CD47: variants seen among roughly 807,000 people sequenced by gnomAD.
CD47 encodes the protein leukocyte surface antigen CD47.
In CD47, 11 loss-of-function variants were observed where a neutral mutation model predicts 44.6. That is an observed-to-expected ratio of 0.25 (90% CI 0.16 to 0.41). The LOEUF is 0.41. Ranked by LOEUF, CD47 falls within the 10% of genes least tolerant of loss-of-function variation. The probability of loss-of-function intolerance (pLI) is 1.00; values close to 1 mark genes in which losing one functional copy is unlikely to be tolerated. For synonymous variants in CD47, 140 were observed against 136.3 expected (o/e 1.03, Z -0.19); for missense variants, 306 against 386.7 (o/e 0.79, Z 1.75).
chr3:108,063,532 A>G (rs551442794), intron 3 of CD47, among the ~76,000 whole-genome samples: 7 of 152,314 alleles, frequency 4.6e-5, no homozygotes, highest in Non-Finnish European at 7.4e-5. Context: ...ATTTGATATA[A>G]TAGATGCCAT....
At chr3:108,055,213 T>A (rs2078893112) in intron 7 of CD47, among the ~76,000 whole-genome samples, 1 of 152,168 alleles carries the variant, frequency 6.6e-6, no homozygotes, top group South Asian at 2.1e-4. Flanking sequence ...TAATAAAAAT[T>A]ATAAAAGTTA....
rs1279540722 is a variant in CD47, at chr3:108,067,265, A to T, written c.490+3828T>A. Among the ~76,000 whole-genome samples, 4 of 152,244 alleles carry T rather than the reference A, an allele frequency of 2.6e-5. 1 individual carries two copies. The highest frequency in any genetic ancestry group is 1.3e-4 in the Admixed American group (2 of 15,278). ...TTTAAAGGTCATGGAACAATATAATAATAGTTTTTCCCATTCATCATGAAG... is the reference window on the plus strand; with the variant it reads ...TTTAAAGGTCATGGAACAATATAATTATAGTTTTTCCCATTCATCATGAAG... On this transcript the variant is annotated intron_variant, in intron 3 of 10. Coordinates refer to ENST00000361309, the MANE Select transcript of CD47 (RefSeq NM_001777.4).
At chr3:108,086,581 T>A (rs777872697) in intron 1 of CD47, among the ~76,000 whole-genome samples, 11 of 152,040 alleles carry the variant, frequency 7.2e-5, no homozygotes, top group Non-Finnish European at 1.5e-4. Flanking sequence ...GTTTGAGAAA[T>A]GAGAGAGAAA....
chr3:108,050,128 A>AT (rs1559975656), intron 9 of CD47, among the ~76,000 whole-genome samples: 2 of 151,790 alleles, frequency 1.3e-5, no homozygotes, highest in South Asian at 2.1e-4. Flanking sequence ...ATTCTTTTTT[A>AT]TTTTTTTTGA....
In CD47 at chr3:108,044,525, C is replaced by G. The variant is rs2078689130; in HGVS notation, c.*2763G>C. On this transcript the variant is annotated 3_prime_UTR_variant, in exon 11 of 11. Transcript: ENST00000361309. The stretch of plus-strand genomic sequence containing the variant: ...GTGATAAATCTAAATACAGCCAACT[C>G]TCAATCATTTAACTTATGTACCTAG... 1 of 148,168 alleles carries G rather than the reference C, an allele frequency of 6.7e-6. No homozygotes were observed. Among genetic ancestry groups the G allele is most frequent in the Non-Finnish European group, 1.5e-5 (1 of 67,272 alleles). The allele number at this position is 148,168 out of a possible 1,614,324, so 9.2% of individuals were successfully genotyped here. A position where few individuals can be genotyped will look rare whatever the true frequency, so the allele number is the denominator to read the frequency against.
chr3:108,057,621 T>A, intron 6 of CD47, 52 bp from the exon 7 acceptor site: 1 of 886,068 alleles, frequency 1.1e-6, no homozygotes, highest in Admixed American at 2.0e-5. Flanking sequence ...AATAACTTAC[T>A]AAAAAACAGT....
Position 108,080,321 on chromosome 3 carries a change from T to C in CD47, c.70A>G (p.Lys24Glu). The C allele has an allele frequency of 6.2e-7, 1 of 1,600,500 alleles. No individual in the cohort carries two copies. The highest frequency in any genetic ancestry group is 8.6e-7 in the Non-Finnish European group (1 of 1,169,278). ...AACGTGAATTCTACAGATTTTGTTT[T>C]ATTAAATAGTAGCTGAGCTGATCCT... ...CCGSAQLLFNKTKSVEFTFCN... is the reference protein window; with the variant it reads ...CCGSAQLLFNETKSVEFTFCN... Residue 24 changes from lysine (K) to glutamate (E), a missense_variant, in exon 2 of 11, where the codon AAA (lysine) becomes GAA (glutamate). Physicochemically the swap from Lys to Glu is moderately conservative, Grantham distance 56. Transcript: ENST00000361309.
At chr3:108,070,635 G>A (rs1444129376) in intron 3 of CD47, among the ~76,000 whole-genome samples, 1 of 152,136 alleles carries the variant, frequency 6.6e-6, no homozygotes, top group Non-Finnish European at 1.5e-5. Flanking sequence ...AGTTCCGACT[G>A]GACTTTTCCA....
chr3:108,075,376 A>G (rs1226455802), intron 2 of CD47, among the ~76,000 whole-genome samples: 2 of 152,118 alleles, frequency 1.3e-5, no homozygotes, highest in African/African-American at 2.4e-5. Context: ...CAACCTAAAA[A>G]AGTGAAGACA....
intron 6 of CD47, among the ~76,000 whole-genome samples, chr3:108,057,944 C>T (rs2078940040): frequency 2.0e-5 from 3 of 152,130 alleles, no homozygotes; most frequent in Non-Finnish European, 4.4e-5. Context: ...GCACTATTAC[C>T]ACTGGGGTAA....
At chr3:108,085,250 T>G (rs1218112687) in intron 1 of CD47, among the ~76,000 whole-genome samples, 2 of 152,078 alleles carry the variant, frequency 1.3e-5, no homozygotes, top group Non-Finnish European at 2.9e-5. Flanking sequence ...ATTACCCCAC[T>G]GAGTACATAG....
At chr3:108,090,217 T>C (rs915620066) in intron 1 of CD47, among the ~76,000 whole-genome samples, 1 of 150,920 alleles carries the variant, frequency 6.6e-6, no homozygotes, top group Non-Finnish European at 1.5e-5. Flanking sequence ...AAAGGAAGAG[T>C]TTCCAGCAAG....
At chr3:108,051,900 A>C in intron 8 of CD47, 39 bp downstream of exon 8, 1 of 1,464,242 alleles carries the variant, frequency 6.8e-7, no homozygotes, top group African/African-American at 1.4e-5. Flanking sequence ...TAATCCCTCA[A>C]ATGATCATTC....
chr3:108,080,551 ACTTTT>A (rs143915656), intron 1 of CD47, among the ~76,000 whole-genome samples: 5,731 of 152,004 alleles, frequency 0.038, 123 homozygotes, highest in African/African-American at 0.064. Context: ...CATCATTATG[ACTTTT>A]CTTTATTCAT....
intron 1 of CD47, among the ~76,000 whole-genome samples, chr3:108,088,336 A>G (rs1382944871): frequency 6.6e-6 from 1 of 152,230 alleles, no homozygotes; most frequent in Non-Finnish European, 1.5e-5. Context: ...ATCTCCATGA[A>G]CAACTCAGTG....
rs764184274 is a variant in CD47 at position 108,045,916 on chromosome 3, G to A, written c.*1372C>T. The A allele has an allele frequency of 6.6e-6, 1 of 152,112 alleles. No individual in the cohort carries two copies. The highest frequency in any genetic ancestry group is 2.4e-5 in the African/African-American group (1 of 41,430). The allele number at this position is 152,112 out of a possible 1,614,324, so 9.4% of individuals were successfully genotyped here. A position where few individuals can be genotyped will look rare whatever the true frequency, so the allele number is the denominator to read the frequency against. On this transcript the variant is annotated 3_prime_UTR_variant, in exon 11 of 11. Transcript: ENST00000361309. The stretch of plus-strand genomic sequence containing the variant: ...CCAATAAAGAACTTTGTATTTAAAT[G>A]TTTTTACTAAAAGCACAAAATTAAC...
chr3:108,080,159 G>C lies in CD47; in HGVS notation c.232C>G (p.Pro78Ala), dbSNP rs953795918. 1 of 1,612,990 alleles carries C rather than the reference G, an allele frequency of 6.2e-7. No homozygotes were observed. The highest frequency in any genetic ancestry group is 8.5e-7 in the Non-Finnish European group (1 of 1,179,282). ...ATTTTTGCACTACTAAAGTCAGTGG[G>C]GACAGTGGACTTGTTTAGAGCTCCA... ...FDGALNKSTV[P>A]TDFSSAKIEV... Residue 78 changes from proline to alanine, a missense_variant, in exon 2 of 11, where the codon CCC becomes GCC. Around this residue, in one of 5 missense-constraint regions of CD47, gnomAD observed 25 missense variants for 52.7 expected, o/e 0.47. Transcript: ENST00000361309.
rs1349666692 is a variant in CD47, at chr3:108,090,980, G to A, written c.-72C>T. The A allele has an allele frequency of 1.7e-6, 2 of 1,150,086 alleles. No homozygotes were observed. The highest frequency in any genetic ancestry group is 1.1e-6 in the Non-Finnish European group (1 of 871,450). The allele number at this position is 1,150,086 out of a possible 1,614,324, so 71.2% of individuals were successfully genotyped here. On this transcript the variant is annotated 5_prime_UTR_variant, in exon 1 of 11. Coordinates refer to ENST00000361309, the MANE Select transcript of CD47 (RefSeq NM_001777.4). ...GCAGCAGCCGCCGCCGCCGTTACAG[G>A]CAGGACCGACCGCCGCCGCGCGTCA...
chr3:108,054,233 C>T (rs1354076418), intron 7 of CD47: 1 of 152,086 alleles, frequency 6.6e-6, no homozygotes, highest in African/African-American at 2.4e-5. Flanking sequence ...CAAAACAAAA[C>T]AAAATAGAAT....
Sources: gnomAD v4.1 joint callset for allele counts (sites outside exome capture counted in the v4.1 genomes callset) on GRCh38, gnomAD v4.1.1 for gene constraint, gnomAD v4.1.1 regional missense constraint, MANE v1.5 for transcripts, NCBI Gene and HGNC (gene_info 2026-07-23, HGNC 2026-07-21) for gene names.